AGAP1: variants seen among roughly 807,000 people sequenced by gnomAD.
AGAP1 encodes the protein ArfGAP with GTPase domain, ankyrin repeat and PH domain 1.
A neutral mutation model predicts 105.3 loss-of-function variants in AGAP1; 29 were observed. The observed-to-expected ratio is 0.28, with a 90% confidence interval of 0.21 to 0.38. AGAP1 has a LOEUF of 0.38. Among genes scored for constraint, AGAP1 ranks in the 10% least tolerant of loss-of-function variants. The pLI is 1.00. For synonymous variants in AGAP1, 509 were observed against 485.9 expected (o/e 1.05, Z -0.63); for missense variants, 998 against 1,165.1 (o/e 0.86, Z 2.09).
chr2:235,580,138 T>TC (rs1944881166), intron 1 of AGAP1, among the ~76,000 whole-genome samples: 1 of 152,212 alleles, frequency 6.6e-6, no homozygotes, highest in Non-Finnish European at 1.5e-5. Flanking sequence ...ACATTTTGTT[T>TC]ATTCATTCAT....
intron 6 of AGAP1, among the ~76,000 whole-genome samples, chr2:235,758,274 CATTA>C (rs1458912124): frequency 2.0e-5 from 3 of 152,122 alleles, no homozygotes; most frequent in African/African-American, 4.8e-5. Context: ...ATTAATGGGT[CATTA>C]ATTGTCCATT....
chr2:235,968,422 A>ATTTTTT, intron 12 of AGAP1, 40 bp from the exon 13 acceptor site: 1 of 1,451,656 alleles, frequency 6.9e-7, no homozygotes, highest in Non-Finnish European at 9.1e-7. Flanking sequence ...CTCACTCTGC[A>ATTTTTT]TTTTTTTTTT....
chr2:235,919,782 A>T lies in AGAP1; in HGVS notation c.1324+10876A>T, dbSNP rs2052082588. On this transcript the variant is annotated intron_variant, in intron 11 of 17. Coordinates refer to ENST00000304032, the MANE Select transcript of AGAP1 (RefSeq NM_001037131.3). The surrounding 1 kb of genome is among the most constrained non-coding windows in gnomAD (Gnocchi z 4.1). ...TATTGTAAAGATGGAACCGTTATTC[A>T]TGGCAAAGGAAGACACCAAACAAAG... Among the ~76,000 whole-genome samples the T allele has an allele frequency of 6.6e-6, 1 of 152,216 alleles. No individual in the cohort carries two copies. The highest frequency in any genetic ancestry group is 2.1e-4 in the South Asian group (1 of 4,824).
chr2:235,689,963 A>C lies in AGAP1; in HGVS notation c.164-19216A>C, dbSNP rs940888946. ...TGCTTTTGTTTATTTTCCCTGGTCT[A>C]ATTTTTTCAGATGGTAAATAGATCG... On this transcript the variant is annotated intron_variant, in intron 1 of 17. Coordinates refer to ENST00000304032, the MANE Select transcript of AGAP1 (RefSeq NM_001037131.3). This position sits in a 1 kb window ranked among gnomAD's most constrained non-coding sequence, Gnocchi z 4.2. Among the ~76,000 whole-genome samples, 1 of 151,886 alleles carries C rather than the reference A, an allele frequency of 6.6e-6. No individual in the cohort carries two copies. Among genetic ancestry groups the C allele is most frequent in the African/African-American group, 2.4e-5 (1 of 41,344 alleles).
In AGAP1 at chr2:235,901,203, A is replaced by T. The variant is rs560211189; in HGVS notation, c.1156-7535A>T. 1.3e-5 allele frequency among the ~76,000 whole-genome samples: 2 copies of T among 151,730 alleles called. No homozygotes were observed. The highest frequency in any genetic ancestry group is 4.1e-4 in the South Asian group (2 of 4,820). ...AATGGGTGGTCCTATATATGTCTTT[A>T]TGATTAGTTTCCTTTGAATATAATA... On this transcript the variant is annotated intron_variant, in intron 10 of 17. Coordinates refer to ENST00000304032, the MANE Select transcript of AGAP1 (RefSeq NM_001037131.3). This position sits in a 1 kb window ranked among gnomAD's most constrained non-coding sequence, Gnocchi z 4.3.
chr2:235,939,673 G>A (rs538299273), intron 12 of AGAP1, among the ~76,000 whole-genome samples: 2 of 152,154 alleles, frequency 1.3e-5, no homozygotes, highest in African/African-American at 4.8e-5. Flanking sequence ...TCAGTCCCAG[G>A]AGCACCCCTT....
intron 11 of AGAP1, among the ~76,000 whole-genome samples, chr2:235,911,064 T>C (rs747338202): frequency 1.3e-5 from 2 of 152,224 alleles, no homozygotes; most frequent in Non-Finnish European, 2.9e-5. Context: ...AAAGCATTTA[T>C]TGAGTTTCAT....
chr2:235,810,473 A>G (rs1479312379), intron 9 of AGAP1, among the ~76,000 whole-genome samples: 1 of 152,210 alleles, frequency 6.6e-6, no homozygotes, highest in Non-Finnish European at 1.5e-5. Flanking sequence ...TTCCCCCAGC[A>G]GGAGTCTTGT....
intron 16 of AGAP1, among the ~76,000 whole-genome samples, chr2:236,097,950 A>C (rs776116424): frequency 5.9e-5 from 9 of 152,134 alleles, no homozygotes; most frequent in Non-Finnish European, 2.9e-5. Context: ...TCACTAGCAG[A>C]GTGTCCTCAA....
chr2:236,102,145 C>T (rs866497283), intron 16 of AGAP1, among the ~76,000 whole-genome samples: 61 of 152,112 alleles, frequency 4.0e-4, no homozygotes, highest in Middle Eastern at 3.4e-3. Context: ...AGGCCGGGCG[C>T]GGTGGCTCAC....
At chr2:235,760,225 A>C (rs1283325545) in intron 6 of AGAP1, among the ~76,000 whole-genome samples, 1 of 152,152 alleles carries the variant, frequency 6.6e-6, no homozygotes, top group East Asian at 1.9e-4. Flanking sequence ...CTAAAAATAC[A>C]AAAATTAGCC....
rs954890306 is a variant in AGAP1, at chr2:236,050,602, A to G, written c.2114+1321A>G. On this transcript the variant is annotated intron_variant, in intron 16 of 17. Coordinates refer to ENST00000304032, the MANE Select transcript of AGAP1 (RefSeq NM_001037131.3). The surrounding 1 kb of genome is among the most constrained non-coding windows in gnomAD (Gnocchi z 4.0). ...AAGATGAATTCATGTTTTAATATCT[A>G]TTTTTTCACAGATAATGATAACATT... is the stretch of plus-strand genomic sequence containing the variant. Among the ~76,000 whole-genome samples the G allele has an allele frequency of 4.6e-5, 7 of 152,024 alleles. No homozygotes were observed. Among genetic ancestry groups the G allele is most frequent in the Admixed American group, 6.6e-5 (1 of 15,248 alleles).
chr2:235,525,085 A>T (rs1450958583), intron 1 of AGAP1, among the ~76,000 whole-genome samples: 1 of 152,234 alleles, frequency 6.6e-6, no homozygotes, highest in Non-Finnish European at 1.5e-5. Context: ...ACAACAGAAA[A>T]TTGAGATTGA....
At chr2:235,699,662 A>C (rs559268871) in intron 1 of AGAP1, among the ~76,000 whole-genome samples, 10 of 152,328 alleles carry the variant, frequency 6.6e-5, no homozygotes, top group Admixed American at 3.3e-4. Context: ...GCAAACTCAG[A>C]AGCATTTTTG....
intron 16 of AGAP1, among the ~76,000 whole-genome samples, chr2:236,115,319 T>C (rs1311184246): frequency 6.6e-6 from 1 of 152,162 alleles, no homozygotes; most frequent in Non-Finnish European, 1.5e-5. Context: ...CTTGTGTAGA[T>C]GTCACTGTCC....
At chr2:235,570,191 T>G (rs1009565548) in intron 1 of AGAP1, among the ~76,000 whole-genome samples, 1 of 152,236 alleles carries the variant, frequency 6.6e-6, no homozygotes, top group Non-Finnish European at 1.5e-5. Context: ...TTGTTACATT[T>G]CTTCTTCCTA....
At chr2:235,791,888 T>C (rs1956998472) in intron 6 of AGAP1, among the ~76,000 whole-genome samples, 1 of 152,148 alleles carries the variant, frequency 6.6e-6, no homozygotes, top group South Asian at 2.1e-4. Context: ...GTGTCACCTT[T>C]GGGTGGAGAC....
chr2:235,593,769 G>T (rs773920787), intron 1 of AGAP1, among the ~76,000 whole-genome samples: 1 of 152,082 alleles, frequency 6.6e-6, no homozygotes, highest in South Asian at 2.1e-4. Flanking sequence ...TTCAAGACCA[G>T]CCCGGGCAAC....
intron 16 of AGAP1, among the ~76,000 whole-genome samples, chr2:236,077,519 A>G (rs1402858030): frequency 6.6e-6 from 1 of 151,946 alleles, no homozygotes; most frequent in Non-Finnish European, 1.5e-5. Flanking sequence ...GGGTTTCATC[A>G]TATTGGTCAG....
Sources: gnomAD v4.1 joint callset for allele counts (sites outside exome capture counted in the v4.1 genomes callset) on GRCh38, gnomAD v4.1.1 for gene constraint, Gnocchi (gnomAD v3.1) non-coding constraint, MANE v1.5 for transcripts, NCBI Gene and HGNC (gene_info 2026-07-23, HGNC 2026-07-21) for gene names.